Variants in IL7 observed in about 807,000 individuals in gnomAD.
IL7 encodes the protein interleukin-7.
In IL7, 3 loss-of-function variants were observed where a neutral mutation model predicts 21.6. That is an observed-to-expected ratio of 0.14 (90% CI 0.06 to 0.36). The LOEUF is 0.36. Among genes scored for constraint, IL7 ranks in the 10% least tolerant of loss-of-function variants. The pLI is 1.00. For missense variants in IL7, 175 were observed against 200.2 expected, an observed-to-expected ratio of 0.87 and a Z score of 0.76; for synonymous variants, 62 against 68.1, an observed-to-expected ratio of 0.91 and a Z score of 0.44.
intron 2 of IL7, among the ~76,000 whole-genome samples, chr8:78,782,333 C>A (rs1185180012): frequency 1.3e-5 from 2 of 152,174 alleles, no homozygotes; most frequent in African/African-American, 4.8e-5. Flanking sequence ...GACTGTTTCT[C>A]ATCTTGCTGA....
chr8:78,679,662 G>C (rs1335894165), intron 4 of IL7, among the ~76,000 whole-genome samples: 1 of 152,114 alleles, frequency 6.6e-6, no homozygotes, highest in African/African-American at 2.4e-5. Context: ...TCAGTGAAGT[G>C]ATTTAAGCTA....
At chr8:78,686,365 G>A in intron 3 of IL7, 1 of 1,014,790 alleles carries the variant, frequency 9.9e-7, no homozygotes, top group East Asian at 3.2e-5. Flanking sequence ...CTCCTGATAA[G>A]AGAACATTTA....
At chr8:78,803,380 G>A (rs1814157879) in intron 1 of IL7, among the ~76,000 whole-genome samples, 1 of 152,128 alleles carries the variant, frequency 6.6e-6, no homozygotes. Flanking sequence ...AGACCACATA[G>A]TAGATCCTCA....
intron 3 of IL7, among the ~76,000 whole-genome samples, chr8:78,686,238 G>A (rs968994397): frequency 2.6e-5 from 4 of 152,154 alleles, no homozygotes; most frequent in African/African-American, 9.7e-5. Flanking sequence ...ACAGAAGGCA[G>A]TTTAGTAGTG....
chr8:78,703,704 A>G (rs1810679878), intron 3 of IL7, among the ~76,000 whole-genome samples: 1 of 152,144 alleles, frequency 6.6e-6, no homozygotes, highest in Non-Finnish European at 1.5e-5. Context: ...TGAAGACAGC[A>G]TACCAATGGA....
At chr8:78,737,142 G>A (rs910548531) in intron 4 of IL7, among the ~76,000 whole-genome samples, 1 of 152,028 alleles carries the variant, frequency 6.6e-6, no homozygotes, top group Admixed American at 6.5e-5. Context: ...TCCATATAAA[G>A]CTCAATACAT....
At chr8:78,746,956 T>G (rs914797000) in intron 2 of IL7, 29 of 423,082 alleles carry the variant, frequency 6.9e-5, no homozygotes, top group Non-Finnish European at 1.2e-4. Flanking sequence ...ATTTTTCTTT[T>G]CAGGAGAGAA....
rs529703237 is a variant in IL7 at position 78,795,628 on chromosome 8, C to T, written c.147+2444G>A. Among the ~76,000 whole-genome samples, 19 of 152,110 alleles carry T rather than the reference C, an allele frequency of 1.2e-4. No individual in the cohort carries two copies. The East Asian group carries it at 2.7e-3, about 22-fold the overall frequency. On this transcript the variant is annotated intron_variant, in intron 2 of 5. Transcript: ENST00000263851. Reference sequence around the variant, plus strand: ...ATTTTTAATAGCATATTATTTTGCACTTTTATACACATATAGTTATTTATA... The same window carrying T: ...ATTTTTAATAGCATATTATTTTGCATTTTTATACACATATAGTTATTTATA...
intron 2 of IL7, among the ~76,000 whole-genome samples, chr8:78,770,196 T>A (rs1812904220): frequency 6.6e-6 from 1 of 152,010 alleles, no homozygotes; most frequent in African/African-American, 2.4e-5. Context: ...TAAGGTCAGG[T>A]TTTTATTGAA....
intron 2 of IL7, among the ~76,000 whole-genome samples, chr8:78,783,123 C>T (rs78554333): frequency 0.044 from 6,699 of 152,206 alleles, 211 homozygotes; most frequent in Middle Eastern, 0.079. Context: ...GTAGCCATAG[C>T]GATGGTGGCT....
chr8:78,758,403 G>C (rs1469513677), intron 2 of IL7, among the ~76,000 whole-genome samples: 1 of 151,930 alleles, frequency 6.6e-6, no homozygotes, highest in African/African-American at 2.4e-5. Flanking sequence ...GACAAGCTTT[G>C]ATTTCTTTCT....
chr8:78,684,418 T>C (rs368435019), intron 4 of IL7, among the ~76,000 whole-genome samples: 2 of 152,270 alleles, frequency 1.3e-5, no homozygotes, highest in South Asian at 2.1e-4. Flanking sequence ...TCATTCACTG[T>C]CATGAGGACG....
Position 78,733,985 on chromosome 8 carries a change from C to T in IL7, c.415-153G>A, listed in dbSNP as rs527895155. ...ACATTTTAAAGACGATGATTTCTAA[C>T]TATCTTTGTGATAACTGACATGTAG... On this transcript the variant is annotated intron_variant, in intron 5 of 5. Transcript: ENST00000263851. 1.5e-3 allele frequency among the ~76,000 whole-genome samples: 221 copies of T among 152,232 alleles called. 2 individuals are homozygous for T. The Middle Eastern group carries it at 0.017, about 12-fold the overall frequency.
intron 3 of IL7, among the ~76,000 whole-genome samples, chr8:78,690,904 A>G (rs917290069): frequency 1.3e-5 from 2 of 152,124 alleles, no homozygotes; most frequent in Non-Finnish European, 2.9e-5. Flanking sequence ...CTTGTTTAGA[A>G]AAACTGGATT....
intron 2 of IL7, among the ~76,000 whole-genome samples, chr8:78,763,289 T>C (rs1404732422): frequency 3.3e-5 from 5 of 152,254 alleles, no homozygotes; most frequent in Admixed American, 3.3e-4. Context: ...CAAATAATGA[T>C]AGCAACCATG....
intron 2 of IL7, among the ~76,000 whole-genome samples, chr8:78,771,861 G>A (rs372424700): frequency 4.6e-5 from 7 of 152,056 alleles, no homozygotes; most frequent in African/African-American, 1.7e-4. Context: ...TGCTCCTGCT[G>A]TACCTTCACA....
chr8:78,798,078 T>C lies in IL7; in HGVS notation c.141A>G (p.Gln47=), dbSNP rs764670407. ...AAACAAAATAATCACATACCAATAA[T>C]TGATCGATGCTGACCATTAGAACAC... ...YESVLMVSID[Q]LLDSMKEIGS... Residue 47 remains glutamine, a synonymous_variant, in exon 2 of 6, where the codon CAA becomes CAG. Coordinates refer to ENST00000263851, the MANE Select transcript of IL7 (RefSeq NM_000880.4). 2.5e-6 allele frequency: 4 copies of C among 1,600,948 alleles called. No homozygotes were observed. Among genetic ancestry groups the C allele is most frequent in the Non-Finnish European group, 3.4e-6 (4 of 1,173,068 alleles).
chr8:78,761,650 G>T, intron 2 of IL7: 1 of 1,612,016 alleles, frequency 6.2e-7, no homozygotes, highest in Non-Finnish European at 8.5e-7. Context: ...TAATGGAAAA[G>T]ACGTGTGAGT....
intron 3 of IL7, among the ~76,000 whole-genome samples, chr8:78,706,419 A>G (rs923225636): frequency 6.6e-6 from 1 of 152,098 alleles, no homozygotes; most frequent in Non-Finnish European, 1.5e-5. Flanking sequence ...AAGACTCCCC[A>G]TATCTGTATG....
Sources: allele counts gnomAD v4.1 joint callset (sites outside exome capture counted in the v4.1 genomes callset), GRCh38; gene constraint gnomAD v4.1.1; transcripts MANE v1.5; gene names NCBI Gene and HGNC (gene_info 2026-07-23, HGNC 2026-07-21).